Variants in SPATA6L observed in about 807,000 individuals in gnomAD.
SPATA6L encodes the protein spermatogenesis associated 6 like.
SPATA6L carries 68 observed loss-of-function variants against 49.2 expected under a neutral mutation model. The ratio of observed to expected loss-of-function variants is 1.38; its 90% confidence interval spans 1.14 to 1.69. SPATA6L has a LOEUF of 1.69. Among genes scored for constraint, SPATA6L ranks in the 40% most tolerant of loss-of-function variants. SPATA6L has a pLI of 0.00. For synonymous variants in SPATA6L, 198 were observed against 165.7 expected, an observed-to-expected ratio of 1.19 and a Z score of -1.50; for missense variants, 668 against 464.3, an observed-to-expected ratio of 1.44 and a Z score of -4.03.
At chr9:4,629,205 A>G (rs759586796) in intron 4 of SPATA6L, 37 bp from the exon 5 acceptor site, 52 of 1,444,966 alleles carry the variant, frequency 3.6e-5, no homozygotes, top group Non-Finnish European at 4.7e-5. Flanking sequence ...TAAAATTACT[A>G]GAAACAGTTC....
intron 4 of SPATA6L, among the ~76,000 whole-genome samples, chr9:4,631,192 G>A (rs1831464464): frequency 1.3e-5 from 2 of 152,118 alleles, no homozygotes; most frequent in African/African-American, 4.8e-5. Flanking sequence ...TTATACTTTA[G>A]AGTTGAAATT....
Position 4,625,311 on chromosome 9 carries a change from A to G in SPATA6L, c.669+16T>C, listed in dbSNP as rs981689336. On this transcript the variant is annotated intron_variant, in intron 6 of 11. Transcript: ENST00000682582. ...TCACTATTGCAAAATGCTCTAAAAAATAATTTTAGGCTCACGTGTCTAACA... is the reference window on the plus strand; with the variant it reads ...TCACTATTGCAAAATGCTCTAAAAAGTAATTTTAGGCTCACGTGTCTAACA... 3 of 1,603,302 alleles carry G rather than the reference A, an allele frequency of 1.9e-6. No individual in the cohort carries two copies. The highest frequency in any genetic ancestry group is 2.6e-6 in the Non-Finnish European group (3 of 1,175,014).
At chr9:4,601,884 T>C (rs1276866598) in intron 11 of SPATA6L, among the ~76,000 whole-genome samples, 1 of 152,200 alleles carries the variant, frequency 6.6e-6, no homozygotes, top group Non-Finnish European at 1.5e-5. Flanking sequence ...CTCACTGAGA[T>C]GGATGCTCAG....
chr9:4,654,741 C>T (rs1259915752), intron 3 of SPATA6L, among the ~76,000 whole-genome samples: 1 of 152,194 alleles, frequency 6.6e-6, no homozygotes, highest in Non-Finnish European at 1.5e-5. Context: ...TGTCGTTCTG[C>T]CAGTGCCAAT....
chr9:4,647,680 T>C (rs1043089047), intron 3 of SPATA6L, among the ~76,000 whole-genome samples: 5 of 152,014 alleles, frequency 3.3e-5, no homozygotes, highest in Admixed American at 1.3e-4. Context: ...GGCAAACCTA[T>C]GTAGAATGAC....
intron 7 of SPATA6L, among the ~76,000 whole-genome samples, chr9:4,621,318 G>T (rs944165952): frequency 6.6e-6 from 1 of 152,142 alleles, no homozygotes; most frequent in Non-Finnish European, 1.5e-5. Context: ...CTCCCCCAGG[G>T]GTACCCAAGA....
chr9:4,626,004 G>A (rs543550777), intron 5 of SPATA6L: 1 of 156,852 alleles, frequency 6.4e-6, no homozygotes, highest in South Asian at 1.9e-4. Context: ...GTAAGCAATT[G>A]CGCTCAGTTG....
chr9:4,646,123 TAC>T (rs112163366), intron 3 of SPATA6L, among the ~76,000 whole-genome samples: 12 of 149,394 alleles, frequency 8.0e-5, no homozygotes, highest in Admixed American at 6.7e-5. Context: ...CTTAGGGTTT[TAC>T]ACACACACAC....
chr9:4,647,024 C>A (rs1015813021), intron 3 of SPATA6L, among the ~76,000 whole-genome samples: 1 of 151,402 alleles, frequency 6.6e-6, no homozygotes, highest in Non-Finnish European at 1.5e-5. Flanking sequence ...GATACGGGTT[C>A]ACCTATATAA....
chr9:4,629,405 C>T (rs1189562899), intron 4 of SPATA6L, among the ~76,000 whole-genome samples: 2 of 152,200 alleles, frequency 1.3e-5, no homozygotes, highest in East Asian at 3.9e-4. Context: ...AACACAACCC[C>T]ATGAAGCAGG....
chr9:4,648,694 C>T (rs10815052), intron 3 of SPATA6L, among the ~76,000 whole-genome samples: 73,123 of 137,964 alleles, frequency 0.53, 18,350 homozygotes, highest in East Asian at 0.68. Flanking sequence ...AGCGAGACCC[C>T]GTCTCGAAAA....
chr9:4,597,319 T>TACACACACACACAC (rs57570250), downstream of SPATA6L, among the ~76,000 whole-genome samples: 1 of 143,912 alleles, frequency 6.9e-6, no homozygotes, highest in East Asian at 2.1e-4. Context: ...GAAAACAAAA[T>TACACACACACACAC]ACACACACAC....
chr9:4,638,116 G>T (rs1020833217), intron 3 of SPATA6L, among the ~76,000 whole-genome samples: 1 of 152,110 alleles, frequency 6.6e-6, no homozygotes, highest in Non-Finnish European at 1.5e-5. Flanking sequence ...ACAAATAAAG[G>T]TATAATTAAA....
intron 9 of SPATA6L, among the ~76,000 whole-genome samples, chr9:4,607,388 C>T (rs1170373117): frequency 6.6e-6 from 1 of 151,946 alleles, no homozygotes; most frequent in Non-Finnish European, 1.5e-5. Flanking sequence ...TAAGGGCAGC[C>T]AGAGAGAAAG....
Position 4,662,918 on chromosome 9 carries a change from C to G in SPATA6L, c.40-882G>C. ...TGCTGTTGGACCTGCTGCTGGTGGCCTTGATCAAAGGGCTGGTCCGCAGGC... is the reference window on the plus strand; with the variant it reads ...TGCTGTTGGACCTGCTGCTGGTGGCGTTGATCAAAGGGCTGGTCCGCAGGC... On this transcript the variant is annotated intron_variant, in intron 1 of 11. Coordinates refer to ENST00000682582, the MANE Select transcript of SPATA6L (RefSeq NM_001353486.2). This position sits in a 1 kb window ranked among gnomAD's most constrained non-coding sequence, Gnocchi z 4.9. 6.2e-7 allele frequency: 1 copy of G among 1,610,226 alleles called. No homozygotes were observed.
In SPATA6L at chr9:4,661,933, G is replaced by A. The variant is rs1305997591; in HGVS notation, c.143C>T (p.Pro48Leu). The A allele has an allele frequency of 6.2e-7, 1 of 1,613,810 alleles. No homozygotes were observed. The highest frequency in any genetic ancestry group is 1.7e-5 in the Admixed American group (1 of 60,000). The change falls in exon 2 of 12, where the codon CCC becomes CTC. Residue 48 changes from proline to leucine, a missense_variant. By Grantham distance (98) the Pro-to-Leu change is moderately conservative. Transcript: ENST00000682582. ...LETNSFPSAF[P>L]IMIQESMRFE... ...TCTCATGCTCTCCTGAATCATAATG[G>A]GGAACGCAGAGGGAAAGCTGTTGGT...
chr9:4,595,315 C>T (rs535029664), downstream of SPATA6L, among the ~76,000 whole-genome samples: 1 of 152,252 alleles, frequency 6.6e-6, no homozygotes, highest in South Asian at 2.1e-4. Flanking sequence ...GATGTCTAAT[C>T]AGCCCTTCTC....
intron 3 of SPATA6L, among the ~76,000 whole-genome samples, chr9:4,649,088 C>G (rs925121804): frequency 1.6e-5 from 2 of 123,100 alleles, no homozygotes; most frequent in African/African-American, 6.7e-5. Flanking sequence ...CACACACACA[C>G]ACACACATAT....
chr9:4,611,290 A>C (rs1826645792), intron 9 of SPATA6L, among the ~76,000 whole-genome samples: 1 of 147,022 alleles, frequency 6.8e-6, no homozygotes. Flanking sequence ...CAGCCATCCC[A>C]TTACTGGGTA....
Sources: allele counts gnomAD v4.1 joint callset (sites outside exome capture counted in the v4.1 genomes callset), GRCh38; gene constraint gnomAD v4.1.1; non-coding constraint Gnocchi (gnomAD v3.1); transcripts MANE v1.5; gene names NCBI Gene and HGNC (gene_info 2026-07-23, HGNC 2026-07-21).